ERG: variants seen among roughly 807,000 people sequenced by gnomAD.
ERG encodes the protein ETS transcription factor ERG.
A neutral mutation model predicts 55.3 loss-of-function variants in ERG; 9 were observed. The observed-to-expected ratio is 0.16, with a 90% CI of 0.10 to 0.28. The LOEUF is 0.28. Ranked by LOEUF, ERG falls within the 10% of genes least tolerant of loss-of-function variation. ERG has a pLI of 1.00. For synonymous variants in ERG, 223 were observed against 237.3 expected, an observed-to-expected ratio of 0.94 and a Z score of 0.55; for missense variants, 434 against 631.6, an observed-to-expected ratio of 0.69 and a Z score of 3.35.
At chr21:38,423,716 C>T (rs544308629) in intron 2 of ERG, among the ~76,000 whole-genome samples, 155 bp from the exon 3 acceptor site, 42 of 152,224 alleles carry the variant, frequency 2.8e-4, no homozygotes, top group Admixed American at 3.3e-4. Context: ...GGCGGGGTGC[C>T]GTGGCTCATG....
At chr21:38,646,838 ATCAGAG>A (rs1339879396) in intron 1 of ERG, among the ~76,000 whole-genome samples, 2 of 152,088 alleles carry the variant, frequency 1.3e-5, no homozygotes, top group Admixed American at 6.5e-5. Flanking sequence ...GAGGGGAAAG[ATCAGAG>A]TCAATGTGAT....
intron 1 of ERG, among the ~76,000 whole-genome samples, chr21:38,582,372 T>C (rs910128571): frequency 1.3e-5 from 2 of 152,200 alleles, no homozygotes; most frequent in African/African-American, 4.8e-5. Context: ...CAGAACTGAA[T>C]TGAACTGTTG....
intron 2 of ERG, among the ~76,000 whole-genome samples, chr21:38,572,548 T>C (rs1214961469): frequency 2.0e-5 from 3 of 152,080 alleles, no homozygotes; most frequent in African/African-American, 4.8e-5. Flanking sequence ...CCCAATTTCA[T>C]ATGCAGAAAA....
rs112293833 is a variant in ERG at position 38,619,837 on chromosome 21, T to C, written c.-149-34892A>G. Among the ~76,000 whole-genome samples, 285 of 152,390 alleles carry C rather than the reference T, an allele frequency of 1.9e-3. 1 individual carries two copies. The highest frequency in any genetic ancestry group is 6.3e-3 in the African/African-American group (263 of 41,600). On this transcript the variant is annotated intron_variant, in intron 1 of 10. Transcript: ENST00000398910. ...GGAAGATAATTCGTCATGGTTATTATGAGAATACCAACATAAACAAAAGAG... is the reference window on the plus strand; with the variant it reads ...GGAAGATAATTCGTCATGGTTATTACGAGAATACCAACATAAACAAAAGAG...
rs529478989 is a variant in ERG, at chr21:38,417,206, G to A, written c.388+6204C>T. On this transcript the variant is annotated intron_variant, in intron 3 of 9. Coordinates refer to ENST00000288319, the MANE Select transcript of ERG (RefSeq NM_182918.4). ...GAAAGGTCCTAGCACAGGGGTCTGAGTAAGACACAAGTCATGTAGCTTCAG... is the reference window on the plus strand; with the variant it reads ...GAAAGGTCCTAGCACAGGGGTCTGAATAAGACACAAGTCATGTAGCTTCAG... 1.0e-3 allele frequency among the ~76,000 whole-genome samples: 153 copies of A among 152,360 alleles called. 1 individual carries two copies. Among genetic ancestry groups the A allele is most frequent in the African/African-American group, 3.5e-3 (146 of 41,584 alleles).
intron 1 of ERG, among the ~76,000 whole-genome samples, chr21:38,626,244 T>C (rs1393735005): frequency 2.6e-5 from 4 of 152,154 alleles, no homozygotes; most frequent in Non-Finnish European, 5.9e-5. Flanking sequence ...CAAAATGTCA[T>C]GATAATAATA....
At chr21:38,441,426 C>A (rs2058840167) in intron 2 of ERG, among the ~76,000 whole-genome samples, 2 of 152,194 alleles carry the variant, frequency 1.3e-5, no homozygotes, top group South Asian at 4.1e-4. Context: ...AGAAATTCTG[C>A]CTACTTTCCA....
At chr21:38,637,703 G>A (rs773136383) in intron 1 of ERG, among the ~76,000 whole-genome samples, 1 of 152,140 alleles carries the variant, frequency 6.6e-6, no homozygotes, top group Non-Finnish European at 1.5e-5. Flanking sequence ...TTAACTTACT[G>A]TAATATCAAC....
chr21:38,391,789 T>C (rs2146429812), intron 7 of ERG, 74 bp from the exon 8 acceptor site: 1 of 1,194,126 alleles, frequency 8.4e-7, no homozygotes, highest in Non-Finnish European at 1.2e-6. Context: ...TGTTGCATAA[T>C]CATTCTATCA....
intron 3 of ERG, among the ~76,000 whole-genome samples, chr21:38,418,405 G>A (rs942631078): frequency 1.3e-5 from 2 of 151,748 alleles, no homozygotes; most frequent in African/African-American, 4.8e-5. Context: ...TCCCGCCTCA[G>A]TCTCCCAAGT....
At chr21:38,544,298 G>A (rs1840888478) in intron 2 of ERG, among the ~76,000 whole-genome samples, 1 of 152,222 alleles carries the variant, frequency 6.6e-6, no homozygotes, top group African/African-American at 2.4e-5. Flanking sequence ...GGCCCTGGAG[G>A]AAGGCTGGCA....
chr21:38,460,184 G>C lies in ERG; in HGVS notation c.19-14563C>G, dbSNP rs542833697. Among the ~76,000 whole-genome samples the C allele has an allele frequency of 6.6e-6, 1 of 152,260 alleles. No homozygotes were observed. The highest frequency in any genetic ancestry group is 1.9e-4 in the East Asian group (1 of 5,160). ...CTGCGGGGGCTGCACGAGGAACAAT[G>C]GGACCAAGAACAGCCAGGGAGGAGG... On this transcript the variant is annotated intron_variant, in intron 1 of 9. Transcript: ENST00000288319. The surrounding 1 kb of genome is among the most constrained non-coding windows in gnomAD (Gnocchi z 5.0).
At chr21:38,419,601 C>A (rs1439803079) in intron 3 of ERG, among the ~76,000 whole-genome samples, 1 of 152,152 alleles carries the variant, frequency 6.6e-6, no homozygotes, top group Admixed American at 6.5e-5. Context: ...CTCCACATTC[C>A]TTTATTTTTA....
At chr21:38,377,409 T>C (rs865942654), downstream of ERG, among the ~76,000 whole-genome samples, 3 of 152,234 alleles carry the variant, frequency 2.0e-5, no homozygotes, top group South Asian at 4.1e-4. Context: ...ATTGCCCTGA[T>C]GCCATAGAAA....
rs896878995 is a variant in ERG at position 38,380,426 on chromosome 21, C to T, written c.*2977G>A. On this transcript the variant is annotated 3_prime_UTR_variant, in exon 10 of 10. Coordinates refer to ENST00000288319, the MANE Select transcript of ERG (RefSeq NM_182918.4). ...ACTAGGAACAAAAACACAGTCTTGA[C>T]TGTGATTTGGTGATTTTACCACATA... is the stretch of plus-strand genomic sequence containing the variant. The T allele has an allele frequency of 9.4e-7, 1 of 1,063,498 alleles. No individual in the cohort carries two copies. The highest frequency in any genetic ancestry group is 1.6e-5 in the African/African-American group (1 of 60,972). The allele number at this position is 1,063,498 out of a possible 1,614,324, so 65.9% of individuals were successfully genotyped here. A position where few individuals can be genotyped will look rare whatever the true frequency, so the allele number is the denominator to read the frequency against.
In ERG at chr21:38,381,674, A is replaced by T; in HGVS notation, c.*1729T>A. ...TTCACTGTTCAACAAATGTATTTTAATCATAGCAGGAATTAAGGGTGATTT... is the reference window on the plus strand; with the variant it reads ...TTCACTGTTCAACAAATGTATTTTATTCATAGCAGGAATTAAGGGTGATTT... On this transcript the variant is annotated 3_prime_UTR_variant, in exon 10 of 10. Transcript: ENST00000288319. 1 of 1,063,682 alleles carries T rather than the reference A, an allele frequency of 9.4e-7. No homozygotes were observed. The highest frequency in any genetic ancestry group is 1.1e-6 in the Non-Finnish European group (1 of 878,306). The allele number at this position is 1,063,682 out of a possible 1,614,324, so 65.9% of individuals were successfully genotyped here.
In ERG at chr21:38,528,503, A is replaced by G. The variant is rs1399522007; in HGVS notation, c.-41+47159T>C. On this transcript the variant is annotated intron_variant, in intron 2 of 8. Transcript: ENST00000398897. ...CGCTCTGTCGCCCAGGCTGGAGTGCAGTGGCGGGATCTCGGCTCACTGCAA... is the reference window on the plus strand; with the variant it reads ...CGCTCTGTCGCCCAGGCTGGAGTGCGGTGGCGGGATCTCGGCTCACTGCAA... Among the ~76,000 whole-genome samples, 18 of 69,008 alleles carry G rather than the reference A, an allele frequency of 2.6e-4. 1 individual carries two copies. The highest frequency in any genetic ancestry group is 8.9e-4 in the African/African-American group (17 of 19,066). 45.3% of individuals were successfully genotyped at this position (69,008 alleles called of 152,430 possible). A position where few individuals can be genotyped will look rare whatever the true frequency, so the allele number is the denominator to read the frequency against.
At chr21:38,485,964 C>T (rs1328235072) in intron 1 of ERG, among the ~76,000 whole-genome samples, 3 of 151,864 alleles carry the variant, frequency 2.0e-5, no homozygotes, top group Non-Finnish European at 2.9e-5. Context: ...GATGGGGTCT[C>T]GCTCTGTAGC....
intron 1 of ERG, among the ~76,000 whole-genome samples, chr21:38,592,793 C>T (rs2060108828): frequency 1.3e-5 from 2 of 152,194 alleles, no homozygotes; most frequent in South Asian, 4.1e-4. Context: ...CTCCATGAAT[C>T]ATGTCTGAGC....
Sources: allele counts gnomAD v4.1 joint callset (sites outside exome capture counted in the v4.1 genomes callset), GRCh38; gene constraint gnomAD v4.1.1; non-coding constraint Gnocchi (gnomAD v3.1); transcripts MANE v1.5; gene names NCBI Gene and HGNC (gene_info 2026-07-23, HGNC 2026-07-21).